MPPED2: variants seen among roughly 807,000 people sequenced by gnomAD.
The protein encoded by MPPED2 is metallophosphoesterase MPPED2.
MPPED2 carries 5 observed loss-of-function variants against 33.0 expected under a neutral mutation model. The observed-to-expected ratio is 0.15, with a 90% CI of 0.08 to 0.32. The LOEUF (loss-of-function observed/expected upper bound fraction) is 0.32, where lower values mean the gene tolerates loss of function less well. Among genes scored for constraint, MPPED2 ranks in the 10% least tolerant of loss-of-function variants. The pLI is 1.00. For missense variants in MPPED2, 275 were observed against 372.1 expected, an observed-to-expected ratio of 0.74 and a Z score of 2.15; for synonymous variants, 136 against 141.9, an observed-to-expected ratio of 0.96 and a Z score of 0.29.
At position 30,491,088 on chromosome 11, in the gene MPPED2, G is replaced by A. The variant is rs114471197; in HGVS notation, c.536+4208C>T. 6.6e-3 allele frequency among the ~76,000 whole-genome samples: 1,005 copies of A among 152,264 alleles called. 8 individuals are homozygous for A. Among genetic ancestry groups the A allele is most frequent in the African/African-American group, 0.022 (921 of 41,546 alleles). ...TATTTTGGGTTGAAATATCTGTTGG[G>A]TTACTAAGCAGGGACTCACCTATGT... is the stretch of plus-strand genomic sequence containing the variant. On this transcript the variant is annotated intron_variant, in intron 4 of 6. Transcript: ENST00000358117.
At chr11:30,446,749 C>T (rs1018065568) in intron 4 of MPPED2, among the ~76,000 whole-genome samples, 7 of 152,292 alleles carry the variant, frequency 4.6e-5, no homozygotes, top group African/African-American at 1.7e-4. Context: ...CCCTCGGAAT[C>T]CACACTCTCT....
rs866612763 is a variant in MPPED2, at chr11:30,447,203, C to T, written c.537-29570G>A. ...CTGTATGTGACAGATTCCACTGGACCAAAAGCCATCCTAGGCTGCTGCTGC... is the reference window on the plus strand; with the variant it reads ...CTGTATGTGACAGATTCCACTGGACTAAAAGCCATCCTAGGCTGCTGCTGC... On this transcript the variant is annotated intron_variant, in intron 4 of 6. Transcript: ENST00000358117. 6.6e-5 allele frequency among the ~76,000 whole-genome samples: 10 copies of T among 152,252 alleles called. No individual in the cohort carries two copies. In the South Asian group the frequency reaches 2.1e-3, roughly 32 times the overall value.
At chr11:30,390,720 C>T (rs996561018) in intron 6 of MPPED2, among the ~76,000 whole-genome samples, 3 of 152,170 alleles carry the variant, frequency 2.0e-5, no homozygotes, top group Non-Finnish European at 1.5e-5. Context: ...TGGTTTGGCT[C>T]CAAGGTTGCT....
chr11:30,532,819 G>C (rs1954600806), intron 3 of MPPED2, among the ~76,000 whole-genome samples: 1 of 152,162 alleles, frequency 6.6e-6, no homozygotes, highest in African/African-American at 2.4e-5. Context: ...AATTACGCAT[G>C]TTAATGACTT....
intron 4 of MPPED2, chr11:30,425,431 T>C (rs955221719): frequency 1.3e-5 from 2 of 152,202 alleles, no homozygotes; most frequent in Non-Finnish European, 2.9e-5. Flanking sequence ...AATCTTATAG[T>C]GTCCGCCCAG....
At chr11:30,566,539 A>T (rs1341658078) in intron 2 of MPPED2, among the ~76,000 whole-genome samples, 6 of 152,164 alleles carry the variant, frequency 3.9e-5, no homozygotes, top group Non-Finnish European at 8.8e-5. Context: ...AAAGCCAAGT[A>T]CACCCTCAAG....
At position 30,535,811 on chromosome 11, in the gene MPPED2, TAAAATTAAATATCTA is replaced by T. The variant is rs1565161956; in HGVS notation, c.310+168_310+182del. Among the ~76,000 whole-genome samples, 5 of 152,202 alleles carry T rather than the reference TAAAATTAAATATCTA, an allele frequency of 3.3e-5. No individual in the cohort carries two copies. The South Asian group carries it at 1.0e-3, about 32-fold the overall frequency. ...GGCCAGGCACTGAAAGGATGCACAG[TAAAATTAAATATCTA>T]AAAATTCATCTTTAATTAACAGAAT... On this transcript the variant is annotated intron_variant, in intron 3 of 6. Coordinates refer to ENST00000358117, the MANE Select transcript of MPPED2 (RefSeq NM_001584.3).
chr11:30,580,566 A>T, intron 1 of MPPED2, 72 bp from the exon 2 acceptor site: 1 of 1,354,460 alleles, frequency 7.4e-7, no homozygotes, highest in Non-Finnish European at 9.6e-7. Context: ...CATAAATTTA[A>T]CATCTAGACA....
Position 30,411,002 on chromosome 11 carries a change from C to A in MPPED2, c.*466G>T, listed in dbSNP as rs915224622. Reference sequence around the variant, plus strand: ...AGATTGCTATAAATTGGGACCACATCTGCAAAAAAGAAGCATTACCAAGAA... The same window carrying A: ...AGATTGCTATAAATTGGGACCACATATGCAAAAAAGAAGCATTACCAAGAA... On this transcript the variant is annotated 3_prime_UTR_variant, in exon 7 of 7. Coordinates refer to ENST00000358117, the MANE Select transcript of MPPED2 (RefSeq NM_001584.3). 38 of 985,622 alleles carry A rather than the reference C, an allele frequency of 3.9e-5. No individual in the cohort carries two copies. Among genetic ancestry groups the A allele is most frequent in the Non-Finnish European group, 4.6e-5 (38 of 829,950 alleles). The allele number at this position is 985,622 out of a possible 1,614,324, so 61.1% of individuals were successfully genotyped here.
At chr11:30,532,249 G>A (rs550338930) in intron 3 of MPPED2, among the ~76,000 whole-genome samples, 33 of 152,230 alleles carry the variant, frequency 2.2e-4, no homozygotes, top group Non-Finnish European at 3.7e-4. Flanking sequence ...CTGCGAAACC[G>A]TGGACAATTC....
chr11:30,559,722 T>C (rs1285136245), intron 2 of MPPED2, among the ~76,000 whole-genome samples: 2 of 152,212 alleles, frequency 1.3e-5, no homozygotes, highest in African/African-American at 4.8e-5. Flanking sequence ...TTATTTTTAT[T>C]CCATGTGAGG....
intron 3 of MPPED2, among the ~76,000 whole-genome samples, chr11:30,497,450 G>T (rs1405815017): frequency 1.3e-5 from 2 of 152,110 alleles, no homozygotes; most frequent in Non-Finnish European, 2.9e-5. Flanking sequence ...TCCAAGGCCG[G>T]TCCTTACTGT....
chr11:30,518,788 TC>T (rs1415491188), intron 3 of MPPED2, among the ~76,000 whole-genome samples: 1 of 152,110 alleles, frequency 6.6e-6, no homozygotes, highest in Admixed American at 6.5e-5. Context: ...AAGATAGAAG[TC>T]CTTCCTGCCT....
At chr11:30,578,774 C>T (rs1392827023) in intron 2 of MPPED2, among the ~76,000 whole-genome samples, 3 of 151,988 alleles carry the variant, frequency 2.0e-5, no homozygotes, top group African/African-American at 7.3e-5. Context: ...AATATTGTAA[C>T]ATATTTGAAG....
At chr11:30,581,870 G>A (rs756503654) in intron 1 of MPPED2, among the ~76,000 whole-genome samples, 7 of 152,226 alleles carry the variant, frequency 4.6e-5, no homozygotes, top group East Asian at 1.9e-4. Flanking sequence ...ATGAATCCCC[G>A]TGCTCTGGCA....
intron 2 of MPPED2, among the ~76,000 whole-genome samples, chr11:30,555,673 T>A (rs1047564346): frequency 6.6e-6 from 1 of 152,188 alleles, no homozygotes; most frequent in African/African-American, 2.4e-5. Context: ...CTTTGCTCCT[T>A]CTTCACCTTC....
At chr11:30,531,301 G>A (rs1278280662) in intron 3 of MPPED2, among the ~76,000 whole-genome samples, 1 of 152,164 alleles carries the variant, frequency 6.6e-6, no homozygotes, top group African/African-American at 2.4e-5. Context: ...ACAGCACTAC[G>A]GGCAGCAGCC....
At chr11:30,422,079 A>T (rs1347985066) in intron 4 of MPPED2, among the ~76,000 whole-genome samples, 1 of 152,236 alleles carries the variant, frequency 6.6e-6, no homozygotes, top group African/African-American at 2.4e-5. Context: ...GGCTCACCTG[A>T]ACCTTAGGTT....
chr11:30,445,636 C>T (rs1949771121), intron 4 of MPPED2, among the ~76,000 whole-genome samples: 1 of 152,228 alleles, frequency 6.6e-6, no homozygotes, highest in Non-Finnish European at 1.5e-5. Flanking sequence ...CCCCTGGCAA[C>T]TGCCATTCTA....
Sources: allele counts gnomAD v4.1 joint callset (sites outside exome capture counted in the v4.1 genomes callset), GRCh38; gene constraint gnomAD v4.1.1; transcripts MANE v1.5; gene names NCBI Gene and HGNC (gene_info 2026-07-23, HGNC 2026-07-21).